The following RSBN1 variants were observed in gnomAD, a reference collection of about 807,000 sequenced individuals.
RSBN1 encodes lysine-specific demethylase 9.
RSBN1 carries 23 observed loss-of-function variants against 74.8 expected under a neutral mutation model. The observed-to-expected ratio is 0.31, with a 90% confidence interval of 0.22 to 0.44. RSBN1 has a LOEUF of 0.44. RSBN1 is among the 20% of genes least tolerant of loss of function. RSBN1 has a pLI of 1.00. For missense variants in RSBN1, 808 were observed against 1,020.9 expected (o/e 0.79, Z 2.84); for synonymous variants, 407 against 379.6 (o/e 1.07, Z -0.84).
chr1:113,777,184 C>T (rs1240378826), intron 4 of RSBN1, 26 bp downstream of exon 4: 1 of 1,592,034 alleles, frequency 6.3e-7, no homozygotes. Context: ...AGTAGTTTTG[C>T]TTATTTGAGA....
intron 1 of RSBN1, among the ~76,000 whole-genome samples, chr1:113,803,728 G>A (rs1660637701): frequency 8.6e-6 from 1 of 116,338 alleles, no homozygotes. Context: ...ATAGACCTAA[G>A]TCAATGTCCC....
chr1:113,795,004 G>C (rs770225326), intron 2 of RSBN1, among the ~76,000 whole-genome samples: 1 of 152,196 alleles, frequency 6.6e-6, no homozygotes, highest in Non-Finnish European at 1.5e-5. Context: ...AGGTTTAACA[G>C]AACTTCATAA....
chr1:113,804,146 G>T (rs1429158055), intron 1 of RSBN1, among the ~76,000 whole-genome samples: 1 of 151,856 alleles, frequency 6.6e-6, no homozygotes, highest in Admixed American at 6.6e-5. Context: ...ATTAATTCTA[G>T]AGTCTATCTC....
chr1:113,782,175 T>A (rs568939360), intron 2 of RSBN1, among the ~76,000 whole-genome samples: 1 of 152,298 alleles, frequency 6.6e-6, no homozygotes, highest in Non-Finnish European at 1.5e-5. Flanking sequence ...CCACAAGTTT[T>A]CACATGTTAT....
intron 4 of RSBN1, among the ~76,000 whole-genome samples, chr1:113,772,004 T>C (rs1436808449): frequency 1.3e-5 from 2 of 152,042 alleles, no homozygotes; most frequent in Non-Finnish European, 2.9e-5. Context: ...AGGTGAAATA[T>C]AGAAAAGAAA....
intron 1 of RSBN1, among the ~76,000 whole-genome samples, chr1:113,803,624 A>G (rs145490387): frequency 1.3e-5 from 2 of 152,334 alleles, no homozygotes; most frequent in African/African-American, 4.8e-5. Flanking sequence ...ATAAATACTC[A>G]ATACATCATA....
chr1:113,798,127 C>G, intron 1 of RSBN1, 91 bp from the exon 2 acceptor site: 2 of 1,121,216 alleles, frequency 1.8e-6, no homozygotes, highest in Non-Finnish European at 2.5e-6. Context: ...AATAGCCTAT[C>G]CTCAATTTCT....
At chr1:113,800,337 A>G (rs1297760730) in intron 1 of RSBN1, among the ~76,000 whole-genome samples, 1 of 152,078 alleles carries the variant, frequency 6.6e-6, no homozygotes, top group Non-Finnish European at 1.5e-5. Flanking sequence ...ATACAACTAA[A>G]TATTTGAGAT....
rs556310188 is a variant in RSBN1, at chr1:113,788,056, TC to T, written c.1377+9306del. 1.9e-4 allele frequency among the ~76,000 whole-genome samples: 29 copies of T among 152,028 alleles called. No homozygotes were observed. In the South Asian group the frequency reaches 6.0e-3, roughly 32 times the overall value. Reference sequence around the variant, plus strand: ...CAGAGAGATGAAAAAAGGTATTGTATCCATGAAACAATAGGAAGTTATTAAA... The same window carrying T: ...CAGAGAGATGAAAAAAGGTATTGTATCATGAAACAATAGGAAGTTATTAAA... On this transcript the variant is annotated intron_variant, in intron 2 of 6. Transcript: ENST00000261441.
intron 2 of RSBN1, among the ~76,000 whole-genome samples, chr1:113,795,662 T>C (rs1660456453): frequency 6.6e-6 from 1 of 152,240 alleles, no homozygotes; most frequent in Non-Finnish European, 1.5e-5. Flanking sequence ...TAAAAAGTGG[T>C]TATTTTTTAA....
At chr1:113,796,822 A>T (rs539149127) in intron 2 of RSBN1, among the ~76,000 whole-genome samples, 2 of 152,348 alleles carry the variant, frequency 1.3e-5, no homozygotes, top group South Asian at 2.1e-4. Context: ...GGCTTCAAAA[A>T]ATGTCTTCAC....
intron 2 of RSBN1, among the ~76,000 whole-genome samples, chr1:113,794,680 T>C (rs559046277): frequency 6.6e-6 from 1 of 152,360 alleles, no homozygotes; most frequent in African/African-American, 2.4e-5. Flanking sequence ...CTTTTCGAAT[T>C]ACCTCAAGTC....
intron 2 of RSBN1, among the ~76,000 whole-genome samples, chr1:113,789,589 C>A (rs1660325973): frequency 6.6e-6 from 1 of 152,198 alleles, no homozygotes; most frequent in South Asian, 2.1e-4. Flanking sequence ...GAGGCCTGGA[C>A]TTGTGACTGG....
At chr1:113,802,771 G>A (rs576506447) in intron 1 of RSBN1, among the ~76,000 whole-genome samples, 40 of 151,310 alleles carry the variant, frequency 2.6e-4, no homozygotes, top group South Asian at 1.0e-3. Flanking sequence ...CAAATGCATA[G>A]TCTGTCTCCC....
chr1:113,790,862 A>G (rs969826326), intron 2 of RSBN1, among the ~76,000 whole-genome samples: 1 of 152,150 alleles, frequency 6.6e-6, no homozygotes, highest in Non-Finnish European at 1.5e-5. Context: ...TTCATGCCTC[A>G]CTCCAGACCT....
At chr1:113,793,825 G>T (rs148752625) in intron 2 of RSBN1, among the ~76,000 whole-genome samples, 1 of 152,158 alleles carries the variant, frequency 6.6e-6, no homozygotes, top group Non-Finnish European at 1.5e-5. Flanking sequence ...CCGCCACCAT[G>T]TCAGCTAATT....
rs572640129 is a variant in RSBN1, at chr1:113,777,026, A to T, written c.1658+184T>A. The stretch of plus-strand genomic sequence containing the variant: ...GTTTTTAAAAAATAAGTAAAAATTA[A>T]ATTTGTGTTTTAGAAAAATGCCTCA... On this transcript the variant is annotated intron_variant, in intron 4 of 6. Coordinates refer to ENST00000261441, the MANE Select transcript of RSBN1 (RefSeq NM_018364.5). Among the ~76,000 whole-genome samples, 48 of 152,186 alleles carry T rather than the reference A, an allele frequency of 3.2e-4. 1 individual carries two copies. The highest frequency in any genetic ancestry group is 2.1e-4 in the South Asian group (1 of 4,824).
intron 2 of RSBN1, among the ~76,000 whole-genome samples, chr1:113,795,955 G>A (rs758530769): frequency 4.6e-5 from 7 of 152,072 alleles, no homozygotes; most frequent in Non-Finnish European, 1.0e-4. Flanking sequence ...AAAATTTGCT[G>A]CATTTTTCTA....
chr1:113,802,863 G>A lies in RSBN1; in HGVS notation c.704-4827C>T, dbSNP rs572281098. Among the ~76,000 whole-genome samples the A allele has an allele frequency of 7.6e-4, 115 of 152,128 alleles. 1 individual carries two copies. Among genetic ancestry groups the A allele is most frequent in the African/African-American group, 2.6e-3 (109 of 41,514 alleles). On this transcript the variant is annotated intron_variant, in intron 1 of 6. Transcript: ENST00000261441. ...TTGATGCATCATTATTCGCCTGCCC[G>A]CAGTCCATGGTTTACATTCAGGTTC...
Sources: allele counts gnomAD v4.1 joint callset (sites outside exome capture counted in the v4.1 genomes callset), GRCh38; gene constraint gnomAD v4.1.1; transcripts MANE v1.5; gene names NCBI Gene and HGNC (gene_info 2026-07-23, HGNC 2026-07-21).